Variants in ZSWIM5 observed in about 807,000 individuals in gnomAD.
ZSWIM5 encodes zinc finger SWIM domain-containing protein 5.
A neutral mutation model predicts 119.6 loss-of-function variants in ZSWIM5; 55 were observed. That is an observed-to-expected ratio of 0.46 (90% CI 0.37 to 0.58). ZSWIM5 has a LOEUF of 0.58. Ranked by LOEUF, ZSWIM5 falls within the 20% of genes least tolerant of loss-of-function variation. ZSWIM5 has a pLI of 0.00. For synonymous variants in ZSWIM5, 537 were observed against 606.9 expected, an observed-to-expected ratio of 0.88 and a Z score of 1.69; for missense variants, 1,193 against 1,512.8, an observed-to-expected ratio of 0.79 and a Z score of 3.51.
chr1:45,151,954 A>G (rs1167835232), intron 1 of ZSWIM5, among the ~76,000 whole-genome samples: 3 of 152,194 alleles, frequency 2.0e-5, no homozygotes, highest in African/African-American at 7.2e-5. Context: ...ACTTATTGGT[A>G]TCTACCATGT....
intron 2 of ZSWIM5, among the ~76,000 whole-genome samples, chr1:45,074,310 T>C (rs1645243395): frequency 6.6e-6 from 1 of 151,994 alleles, no homozygotes; most frequent in African/African-American, 2.4e-5. Context: ...AAGATTGGTA[T>C]TAATCCTTCT....
At chr1:45,183,637 T>G (rs1448235274) in intron 1 of ZSWIM5, among the ~76,000 whole-genome samples, 2 of 152,144 alleles carry the variant, frequency 1.3e-5, no homozygotes. Flanking sequence ...GCAAATAAAC[T>G]AGAAAATCTA....
rs1234410673 is a variant in ZSWIM5, at chr1:45,072,273, A to G, written c.953-12026T>C. ...CTATTGCCCATTTTAACATCAGATT[A>G]TTAGATTTTTTCCTATTGAATTAAG... On this transcript the variant is annotated intron_variant, in intron 2 of 13. Transcript: ENST00000359600. The surrounding 1 kb of genome is among the most constrained non-coding windows in gnomAD (Gnocchi z 4.1). Among the ~76,000 whole-genome samples the G allele has an allele frequency of 6.6e-6, 1 of 151,890 alleles. No homozygotes were observed. Among genetic ancestry groups the G allele is most frequent in the African/African-American group, 2.4e-5 (1 of 41,196 alleles).
intron 1 of ZSWIM5, among the ~76,000 whole-genome samples, chr1:45,109,418 T>C (rs1645501316): frequency 6.6e-6 from 1 of 152,184 alleles, no homozygotes; most frequent in Admixed American, 6.5e-5. Flanking sequence ...TTTGCTGCTC[T>C]AACCCAAAGG....
At chr1:45,131,620 G>A (rs987974266) in intron 1 of ZSWIM5, among the ~76,000 whole-genome samples, 7 of 151,456 alleles carry the variant, frequency 4.6e-5, no homozygotes, top group African/African-American at 9.7e-5. Context: ...AGCTACTCGG[G>A]AGGCTGAGGC....
At chr1:45,167,311 C>T (rs934041841) in intron 1 of ZSWIM5, among the ~76,000 whole-genome samples, 1 of 151,538 alleles carries the variant, frequency 6.6e-6, no homozygotes, top group African/African-American at 2.4e-5. Context: ...ACACCTTATA[C>T]AAAAACTAAT....
At chr1:45,093,163 C>A (rs1432375362) in intron 1 of ZSWIM5, among the ~76,000 whole-genome samples, 1 of 152,196 alleles carries the variant, frequency 6.6e-6, no homozygotes, top group Admixed American at 6.5e-5. Context: ...CATACTGCCT[C>A]TCCATAATAT....
chr1:45,168,218 G>T (rs560989483), intron 1 of ZSWIM5, among the ~76,000 whole-genome samples: 3 of 151,888 alleles, frequency 2.0e-5, no homozygotes, highest in Non-Finnish European at 4.4e-5. Context: ...GCAAACTATC[G>T]CAAGGACAGA....
At chr1:45,064,354 T>G (rs1645171141) in intron 2 of ZSWIM5, among the ~76,000 whole-genome samples, 1 of 152,194 alleles carries the variant, frequency 6.6e-6, no homozygotes, top group African/African-American at 2.4e-5. Context: ...AAATTGAAAT[T>G]TTTTAAAAAT....
At chr1:45,131,409 G>A (rs1450458566) in intron 1 of ZSWIM5, among the ~76,000 whole-genome samples, 1 of 152,074 alleles carries the variant, frequency 6.6e-6, no homozygotes, top group Admixed American at 6.6e-5. Flanking sequence ...ACAGAGCAGT[G>A]GTGGGGAAGT....
intron 2 of ZSWIM5, chr1:45,070,503 G>T: frequency 3.9e-6 from 3 of 763,368 alleles, no homozygotes; most frequent in Non-Finnish European, 6.0e-6. Context: ...AAAATTTTCT[G>T]CCATCAAATT....
At chr1:45,108,406 C>A (rs1557768511) in intron 1 of ZSWIM5, among the ~76,000 whole-genome samples, 1 of 152,102 alleles carries the variant, frequency 6.6e-6, no homozygotes, top group Non-Finnish European at 1.5e-5. Context: ...ACATAGGTAG[C>A]TATTTTTGAC....
At chr1:45,172,872 A>G (rs1226397821) in intron 1 of ZSWIM5, among the ~76,000 whole-genome samples, 1 of 152,130 alleles carries the variant, frequency 6.6e-6, no homozygotes, top group Admixed American at 6.6e-5. Context: ...TCCTTTGTTA[A>G]AACTTACTGC....
chr1:45,145,346 A>T (rs1645753681), intron 1 of ZSWIM5, among the ~76,000 whole-genome samples: 1 of 102,276 alleles, frequency 9.8e-6, no homozygotes, highest in Non-Finnish European at 2.2e-5. Flanking sequence ...TTACGTTAAC[A>T]AAAAAAAAAA....
chr1:45,171,767 T>C (rs900375976), intron 1 of ZSWIM5, among the ~76,000 whole-genome samples: 2 of 152,056 alleles, frequency 1.3e-5, no homozygotes, highest in Non-Finnish European at 2.9e-5. Context: ...ATAACCAATT[T>C]TTACTAATAA....
At chr1:45,102,678 C>T (rs1000428133) in intron 1 of ZSWIM5, among the ~76,000 whole-genome samples, 8 of 152,010 alleles carry the variant, frequency 5.3e-5, no homozygotes, top group African/African-American at 1.7e-4. Context: ...ATATTTATAT[C>T]TACAGTTCAC....
At chr1:45,118,506 C>A (rs918474361) in intron 1 of ZSWIM5, among the ~76,000 whole-genome samples, 6 of 151,966 alleles carry the variant, frequency 3.9e-5, no homozygotes, top group Non-Finnish European at 8.8e-5. Context: ...CTTCGGGATA[C>A]CGAGGCAGGC....
At chr1:45,107,215 TAA>T (rs923615370) in intron 1 of ZSWIM5, among the ~76,000 whole-genome samples, 1 of 146,932 alleles carries the variant, frequency 6.8e-6, no homozygotes, top group Non-Finnish European at 1.5e-5. Flanking sequence ...CAATAAATAC[TAA>T]AAAAAAAAGA....
intron 8 of ZSWIM5, 63 bp from the exon 9 acceptor site, chr1:45,036,362 T>G (rs1644984431): frequency 6.5e-7 from 1 of 1,529,134 alleles, no homozygotes; most frequent in South Asian, 1.3e-5. Context: ...TTCTTTTTTT[T>G]TTTTTTTTTT....
Sources: gnomAD v4.1 joint callset for allele counts (sites outside exome capture counted in the v4.1 genomes callset) on GRCh38, gnomAD v4.1.1 for gene constraint, Gnocchi (gnomAD v3.1) non-coding constraint, MANE v1.5 for transcripts, NCBI Gene and HGNC (gene_info 2026-07-23, HGNC 2026-07-21) for gene names.